Variants in PRAG1 observed in about 807,000 individuals in gnomAD.
PRAG1 encodes PEAK1 related, kinase-activating pseudokinase 1.
Under a neutral mutation model 95.6 loss-of-function variants are expected in PRAG1, and 110 were observed. The ratio of observed to expected loss-of-function variants is 1.15; its 90% CI spans 0.99 to 1.35. PRAG1 has a LOEUF of 1.35. PRAG1 is among the 40% of genes most tolerant of loss of function. The probability of loss-of-function intolerance (pLI) is 0.00; values close to 1 mark genes in which losing one functional copy is unlikely to be tolerated. For synonymous variants in PRAG1, 1,052 were observed against 819.4 expected, an observed-to-expected ratio of 1.28 and a Z score of -4.85; for missense variants, 2,554 against 1,864.7, an observed-to-expected ratio of 1.37 and a Z score of -6.81.
rs1375495312 is a variant in PRAG1 at position 8,376,950 on chromosome 8, T to C, written c.1459A>G (p.Thr487Ala). 6 of 1,613,304 alleles carry C rather than the reference T, an allele frequency of 3.7e-6. No individual in the cohort carries two copies. The Admixed American group carries it at 8.3e-5, about 22-fold the overall frequency. ...MAAHPEEDHR[T>A]IYLSSPDSAV... is the part of the protein sequence containing the mutation. ...GAGTCAGGGCTGCTCAGGTAGATCG[T>C]CCGATGGTCCTCTTCCGGGTGGGCC... The change falls in exon 3 of 6, where the codon ACG becomes GCG. Residue 487 changes from threonine (T) to alanine (A), a missense_variant. Transcript: ENST00000615670.
chr8:8,367,877 G>A (rs1398902530), intron 3 of PRAG1, among the ~76,000 whole-genome samples: 1 of 152,094 alleles, frequency 6.6e-6, no homozygotes, highest in Non-Finnish European at 1.5e-5. Context: ...TCCTGACCTC[G>A]TGATCCACCT....
chr8:8,358,572 A>G (rs1379134196), intron 3 of PRAG1, among the ~76,000 whole-genome samples: 2 of 152,192 alleles, frequency 1.3e-5, no homozygotes, highest in Non-Finnish European at 2.9e-5. Context: ...ATAAGCATAC[A>G]AAAAGACACA....
chr8:8,342,488 G>A (rs1458389376), intron 3 of PRAG1, among the ~76,000 whole-genome samples: 2 of 152,060 alleles, frequency 1.3e-5, no homozygotes, highest in Admixed American at 6.6e-5. Flanking sequence ...GAGCCACCGC[G>A]CCCGGCCTTA....
intron 3 of PRAG1, among the ~76,000 whole-genome samples, chr8:8,364,716 C>T (rs553227118): frequency 5.9e-4 from 90 of 151,652 alleles, no homozygotes; most frequent in Middle Eastern, 3.4e-3. Flanking sequence ...CCAAAATCAT[C>T]TCGTAAGCAA....
Position 8,329,854 on chromosome 8 carries a change from A to T in PRAG1, c.2321-1393T>A, listed in dbSNP as rs112801813. 7.6e-3 allele frequency among the ~76,000 whole-genome samples: 1,158 copies of T among 152,332 alleles called. 15 individuals are homozygous for T. Among genetic ancestry groups the T allele is most frequent in the African/African-American group, 0.027 (1,118 of 41,572 alleles). On this transcript the variant is annotated intron_variant, in intron 4 of 5. Transcript: ENST00000615670. ...GCAAGATGGATGGCCATGGGCTGAC[A>T]TTCATGCCCCAGCCTCAGTGACCGA...
At chr8:8,352,310 G>A (rs1241872082) in intron 3 of PRAG1, among the ~76,000 whole-genome samples, 1 of 152,154 alleles carries the variant, frequency 6.6e-6, no homozygotes, top group African/African-American at 2.4e-5. Flanking sequence ...CCAGCTCTCT[G>A]TCTTCAGACT....
rs370516592 is a variant in PRAG1, at chr8:8,318,171, G to C, written c.4204C>G (p.Leu1402Val). The C allele has an allele frequency of 6.4e-5, 103 of 1,613,204 alleles. No individual in the cohort carries two copies. Among genetic ancestry groups the C allele is most frequent in the Non-Finnish European group, 8.2e-5 (97 of 1,179,666 alleles). Residue 1402 changes from leucine to valine, a missense_variant, in exon 6 of 6, where the codon CTC becomes GTC. Transcript: ENST00000615670. The surrounding 1 kb of genome is among the most constrained non-coding windows in gnomAD (Gnocchi z 4.2). The stretch of plus-strand genomic sequence containing the variant: ...GGCTTGGCTCACAGAAGCTGCAGGA[G>C]CTTCAGCGACTGTAAGAGGGCCCCG... ...EPGALLQSLK[L>V]LQLL
intron 3 of PRAG1, among the ~76,000 whole-genome samples, chr8:8,364,979 A>C (rs1585262228): frequency 6.6e-6 from 1 of 152,182 alleles, no homozygotes; most frequent in East Asian, 1.9e-4. Flanking sequence ...TCACGTCTTG[A>C]AGATGACATG....
intron 4 of PRAG1, among the ~76,000 whole-genome samples, chr8:8,338,884 C>T (rs1799075976): frequency 6.6e-6 from 1 of 152,290 alleles, no homozygotes; most frequent in South Asian, 2.1e-4. Context: ...TTAAATATGA[C>T]CCATCCAGGC....
rs1800450108 is a variant in PRAG1 at position 8,377,366 on chromosome 8, CCG to C, written c.1041_1042del (p.Ser347ArgfsTer8). On this transcript the variant is annotated frameshift_variant, in exon 3 of 6. Coordinates refer to ENST00000615670, the MANE Select transcript of PRAG1 (RefSeq NM_001080826.3). LOFTEE classifies it high-confidence loss of function. ...GGGGCTACTGGCGCCGCTGCCGCTG[CCG>C]CTGCCGCTGCCACAAGAGAGGCCGT... 29 of 1,592,986 alleles carry C rather than the reference CCG, an allele frequency of 1.8e-5. No individual in the cohort carries two copies. Among genetic ancestry groups the C allele is most frequent in the Non-Finnish European group, 2.3e-5 (27 of 1,170,962 alleles).
chr8:8,375,396 G>T (rs1800352441), intron 3 of PRAG1, among the ~76,000 whole-genome samples: 1 of 151,968 alleles, frequency 6.6e-6, no homozygotes, highest in Non-Finnish European at 1.5e-5. Flanking sequence ...TAGAGACGGG[G>T]TTTCACTGTG....
intron 3 of PRAG1, among the ~76,000 whole-genome samples, chr8:8,350,075 C>G (rs979456573): frequency 1.3e-5 from 2 of 152,094 alleles, no homozygotes; most frequent in Admixed American, 1.3e-4. Flanking sequence ...TGATTATATA[C>G]AGATATACTT....
At chr8:8,383,152 G>A (rs905344745) in intron 1 of PRAG1, among the ~76,000 whole-genome samples, 8 of 152,254 alleles carry the variant, frequency 5.3e-5, no homozygotes, top group Middle Eastern at 3.4e-3. Context: ...GGAATGAGCC[G>A]GGTACCCCAA....
chr8:8,373,028 A>G (rs555857599), intron 3 of PRAG1, among the ~76,000 whole-genome samples: 3 of 152,280 alleles, frequency 2.0e-5, no homozygotes, highest in African/African-American at 7.2e-5. Flanking sequence ...CTATTTCACA[A>G]ATGGGCCCAT....
chr8:8,378,631 G>C (rs1028372580), intron 2 of PRAG1, among the ~76,000 whole-genome samples: 2 of 152,094 alleles, frequency 1.3e-5, no homozygotes, highest in African/African-American at 2.4e-5. Context: ...GGGCCGAGGA[G>C]GGCAGATTGC....
chr8:8,340,659 C>T (rs1400567415), intron 3 of PRAG1, among the ~76,000 whole-genome samples: 1 of 152,258 alleles, frequency 6.6e-6, no homozygotes, highest in Non-Finnish European at 1.5e-5. Flanking sequence ...AATTTATTGG[C>T]TGTTCTTTGT....
chr8:8,353,246 A>C (rs1278334805), intron 3 of PRAG1, among the ~76,000 whole-genome samples: 1 of 152,224 alleles, frequency 6.6e-6, no homozygotes, highest in African/African-American at 2.4e-5. Flanking sequence ...CTTTCCATAT[A>C]ACAGCAGCAT....
intron 1 of PRAG1, 34 bp downstream of exon 1, chr8:8,386,287 G>C (rs1340541501): frequency 2.0e-5 from 3 of 152,288 alleles, no homozygotes; most frequent in Admixed American, 2.0e-4. Context: ...CAGACAAAAA[G>C]AGGCCGAATT....
chr8:8,324,685 G>A (rs779145974), intron 5 of PRAG1, among the ~76,000 whole-genome samples: 8 of 152,174 alleles, frequency 5.3e-5, no homozygotes, highest in Non-Finnish European at 8.8e-5. Flanking sequence ...GTTTTGCTGA[G>A]CCAGGACTCA....
Sources: gnomAD v4.1 joint callset for allele counts (sites outside exome capture counted in the v4.1 genomes callset) on GRCh38, gnomAD v4.1.1 for gene constraint, Gnocchi (gnomAD v3.1) non-coding constraint, MANE v1.5 for transcripts, NCBI Gene and HGNC (gene_info 2026-07-23, HGNC 2026-07-21) for gene names.